Variants in WDFY3 observed in about 807,000 individuals in gnomAD.
The protein encoded by WDFY3 is WD repeat and FYVE domain containing 3.
WDFY3 carries 66 observed loss-of-function variants against 409.6 expected under a neutral mutation model. The observed-to-expected ratio is 0.16, with a 90% confidence interval of 0.13 to 0.20. WDFY3 has a LOEUF of 0.20. Among genes scored for constraint, WDFY3 ranks in the 10% least tolerant of loss-of-function variants. WDFY3 has a pLI of 1.00. For missense variants in WDFY3, 3,031 were observed against 4,298.1 expected (o/e 0.71, Z 8.24); for synonymous variants, 1,521 against 1,537.1 (o/e 0.99, Z 0.25).
chr4:84,755,630 C>T (rs1405109706), intron 33 of WDFY3, among the ~76,000 whole-genome samples: 1 of 151,894 alleles, frequency 6.6e-6, no homozygotes, highest in Non-Finnish European at 1.5e-5. Flanking sequence ...GCCTTAGGTA[C>T]CTATGTTAAA....
At chr4:84,862,822 C>A (rs768610530) in intron 3 of WDFY3, among the ~76,000 whole-genome samples, 4 of 152,174 alleles carry the variant, frequency 2.6e-5, no homozygotes, top group Non-Finnish European at 5.9e-5. Flanking sequence ...CCCGTCTCTA[C>A]TAAAAGTACA....
chr4:84,919,250 A>G (rs1211904457), intron 2 of WDFY3, among the ~76,000 whole-genome samples: 1 of 152,142 alleles, frequency 6.6e-6, no homozygotes, highest in African/African-American at 2.4e-5. Context: ...AAATAAAACA[A>G]TACATATAGA....
chr4:84,854,517 A>C (rs1239338444), intron 4 of WDFY3, among the ~76,000 whole-genome samples: 1 of 152,230 alleles, frequency 6.6e-6, no homozygotes, highest in East Asian at 1.9e-4. Flanking sequence ...TCCATCATTT[A>C]CATAAATGTT....
intron 50 of WDFY3, among the ~76,000 whole-genome samples, chr4:84,715,083 A>C (rs1466093660): frequency 6.6e-6 from 1 of 152,230 alleles, no homozygotes; most frequent in Non-Finnish European, 1.5e-5. Context: ...ACTATAAGTT[A>C]CCAGAAGGAA....
intron 2 of WDFY3, among the ~76,000 whole-genome samples, chr4:84,910,765 G>A (rs1767653063): frequency 6.6e-6 from 1 of 152,174 alleles, no homozygotes; most frequent in Admixed American, 6.6e-5. Flanking sequence ...GAGTGCAGTG[G>A]TGCGATCTTG....
intron 3 of WDFY3, among the ~76,000 whole-genome samples, chr4:84,878,639 C>G (rs1224980898): frequency 6.6e-6 from 1 of 152,140 alleles, no homozygotes; most frequent in Non-Finnish European, 1.5e-5. Context: ...ATGATGTTGA[C>G]ATGGTTCGAA....
chr4:84,785,181 T>C (rs1248209128), intron 24 of WDFY3, among the ~76,000 whole-genome samples: 1 of 152,066 alleles, frequency 6.6e-6, no homozygotes, highest in Admixed American at 6.6e-5. Context: ...AATTGCCCCA[T>C]GAATCCTAAA....
chr4:84,943,640 AG>A (rs34706101), intron 1 of WDFY3, among the ~76,000 whole-genome samples: 1 of 152,358 alleles, frequency 6.6e-6, no homozygotes, highest in Admixed American at 6.5e-5. Flanking sequence ...TCAACTACAC[AG>A]GAGGTCACTT....
intron 48 of WDFY3, 84 bp downstream of exon 48, chr4:84,718,338 T>A: frequency 6.9e-7 from 1 of 1,459,622 alleles, no homozygotes; most frequent in Non-Finnish European, 9.2e-7. Flanking sequence ...GAACACAATT[T>A]TTTGATTAAA....
rs193297617 is a variant in WDFY3, at chr4:84,894,284, A to T, written c.-32+2627T>A. Among the ~76,000 whole-genome samples the T allele has an allele frequency of 2.3e-3, 345 of 152,334 alleles. 2 individuals are homozygous for T. Among genetic ancestry groups the T allele is most frequent in the African/African-American group, 8.0e-3 (332 of 41,582 alleles). ...AAGCTTACTCTGTTTTCTACTTTAA[A>T]TAACGGTCAAATTGTCATGTACTTA... is the stretch of plus-strand genomic sequence containing the variant. On this transcript the variant is annotated intron_variant, in intron 3 of 67. Coordinates refer to ENST00000295888, the MANE Select transcript of WDFY3 (RefSeq NM_014991.6).
intron 1 of WDFY3, among the ~76,000 whole-genome samples, chr4:84,945,580 G>A (rs1001691384): frequency 1.3e-5 from 2 of 152,132 alleles, no homozygotes; most frequent in Non-Finnish European, 2.9e-5. Flanking sequence ...GAGGAGTAAT[G>A]GCATTTTGAA....
At position 84,794,729 on chromosome 4, in the gene WDFY3, ATCTT is replaced by A; in HGVS notation, c.3273_3276del (p.Glu1091AspfsTer9). ...CTTAAGCCGGAGGGAGGAGGGAAGA[ATCTT>A]TCACCTACAGTAAAAATTAAAAAAA... On this transcript the variant is annotated frameshift_variant, in exon 21 of 68. Transcript: ENST00000295888. LOFTEE classifies it high-confidence loss of function. 6.2e-7 allele frequency: 1 copy of A among 1,611,688 alleles called. No homozygotes were observed. Among genetic ancestry groups the A allele is most frequent in the Non-Finnish European group, 8.5e-7 (1 of 1,179,068 alleles).
At chr4:84,830,467 C>T (rs911777691) in intron 8 of WDFY3, among the ~76,000 whole-genome samples, 17 of 152,064 alleles carry the variant, frequency 1.1e-4, no homozygotes, top group African/African-American at 3.9e-4. Flanking sequence ...ATATGATGTT[C>T]GGTAGGTTAA....
intron 61 of WDFY3, 34 bp from the exon 62 acceptor site, chr4:84,688,299 G>C (rs1728662336): frequency 6.3e-7 from 1 of 1,596,842 alleles, no homozygotes; most frequent in South Asian, 1.1e-5. Flanking sequence ...AAATCAGGTT[G>C]ATCTCAGTGA....
chr4:84,759,661 T>C (rs1324651741), intron 32 of WDFY3, among the ~76,000 whole-genome samples: 24 of 149,166 alleles, frequency 1.6e-4, no homozygotes, highest in African/African-American at 5.7e-4. Context: ...TTTTGTATCC[T>C]GAGACTTTGC....
intron 67 of WDFY3, among the ~76,000 whole-genome samples, chr4:84,675,013 C>G (rs1560505284): frequency 6.6e-6 from 1 of 151,020 alleles, no homozygotes; most frequent in African/African-American, 2.4e-5. Flanking sequence ...GTTGCTCAGG[C>G]TGGATGGAGT....
At chr4:84,834,742 T>C (rs1226179592) in intron 7 of WDFY3, among the ~76,000 whole-genome samples, 4 of 152,134 alleles carry the variant, frequency 2.6e-5, no homozygotes, top group Admixed American at 6.5e-5. Flanking sequence ...GGCAGAGCAA[T>C]AACTGGCCAC....
rs559875380 is a variant in WDFY3 at position 84,929,186 on chromosome 4, A to G, written c.-132+3084T>C. ...AAGGAACTGAAATTAGCTTCTCAAA[A>G]ACAGCCCACTAAGGAACTGGGTCCC... is the stretch of plus-strand genomic sequence containing the variant. On this transcript the variant is annotated intron_variant, in intron 2 of 67. Coordinates refer to ENST00000295888, the MANE Select transcript of WDFY3 (RefSeq NM_014991.6). Among the ~76,000 whole-genome samples the G allele has an allele frequency of 1.2e-4, 18 of 152,274 alleles. No homozygotes were observed. The South Asian group carries it at 3.5e-3, about 30-fold the overall frequency.
At chr4:84,903,430 C>T (rs1766598799) in intron 2 of WDFY3, among the ~76,000 whole-genome samples, 1 of 152,154 alleles carries the variant, frequency 6.6e-6, no homozygotes, top group Admixed American at 6.5e-5. Context: ...AGCAGTCCTT[C>T]CACTTCAGCC....
Sources: gnomAD v4.1 joint callset for allele counts (sites outside exome capture counted in the v4.1 genomes callset) on GRCh38, gnomAD v4.1.1 for gene constraint, MANE v1.5 for transcripts, NCBI Gene and HGNC (gene_info 2026-07-23, HGNC 2026-07-21) for gene names.